SLC35F1: variants seen among roughly 807,000 people sequenced by gnomAD.
SLC35F1 encodes chromosome 6 open reading frame 169.
A neutral mutation model predicts 48.7 loss-of-function variants in SLC35F1; 14 were observed. The ratio of observed to expected loss-of-function variants is 0.29; its 90% confidence interval spans 0.19 to 0.45. The LOEUF is 0.45. SLC35F1 is among the 20% of genes least tolerant of loss of function. The pLI is 1.00. For synonymous variants in SLC35F1, 190 were observed against 202.2 expected, an observed-to-expected ratio of 0.94 and a Z score of 0.51; for missense variants, 404 against 500.0, an observed-to-expected ratio of 0.81 and a Z score of 1.83.
At chr6:118,203,265 T>C (rs1227475177) in intron 2 of SLC35F1, among the ~76,000 whole-genome samples, 1 of 152,242 alleles carries the variant, frequency 6.6e-6, no homozygotes, top group African/African-American at 2.4e-5. Context: ...GGACAGTAGT[T>C]ATCTTGAGTG....
chr6:118,064,466 A>G (rs985345834), intron 1 of SLC35F1, among the ~76,000 whole-genome samples: 2 of 152,194 alleles, frequency 1.3e-5, no homozygotes, highest in African/African-American at 4.8e-5. Flanking sequence ...ACTTTGCAGT[A>G]TCCCTTAGAA....
intron 1 of SLC35F1, among the ~76,000 whole-genome samples, chr6:118,142,839 C>G (rs1463238663): frequency 6.6e-6 from 1 of 152,034 alleles, no homozygotes; most frequent in Admixed American, 6.6e-5. Context: ...TCTTTTGATG[C>G]AAAGAATGAT....
intron 1 of SLC35F1, among the ~76,000 whole-genome samples, chr6:118,058,047 C>T (rs562524082): frequency 2.6e-5 from 4 of 152,070 alleles, no homozygotes; most frequent in South Asian, 2.1e-4. Context: ...GGTTGGTACA[C>T]GGAAAATTAT....
chr6:117,958,959 C>T (rs555615493), intron 1 of SLC35F1, among the ~76,000 whole-genome samples: 12 of 152,160 alleles, frequency 7.9e-5, no homozygotes, highest in African/African-American at 1.9e-4. Context: ...TTGTTGTTAC[C>T]GTAACTGTGG....
chr6:118,190,492 A>C (rs1037424517), intron 2 of SLC35F1, among the ~76,000 whole-genome samples: 2 of 151,888 alleles, frequency 1.3e-5, no homozygotes, highest in Non-Finnish European at 2.9e-5. Context: ...TGAGAGTATG[A>C]TTTAAAAAAA....
chr6:118,289,016 C>T lies in SLC35F1; in HGVS notation c.1002+3678C>T, dbSNP rs142877304. Among the ~76,000 whole-genome samples, 1,244 of 152,254 alleles carry T rather than the reference C, an allele frequency of 8.2e-3. 11 individuals carry two copies. Among genetic ancestry groups the T allele is most frequent in the Middle Eastern group, 0.048 (14 of 294 alleles). On this transcript the variant is annotated intron_variant, in intron 7 of 7. Coordinates refer to ENST00000360388, the MANE Select transcript of SLC35F1 (RefSeq NM_001029858.4). ...AACCACACCTACTTCCCTCACCCAC[C>T]CCCAGCTCCTCAAAATCACTAATTT...
At chr6:118,018,260 A>G (rs1303919146) in intron 1 of SLC35F1, among the ~76,000 whole-genome samples, 2 of 151,990 alleles carry the variant, frequency 1.3e-5, no homozygotes, top group African/African-American at 2.4e-5. Flanking sequence ...AATCCCAGCT[A>G]CTCGGGAGGT....
chr6:117,989,443 C>T (rs1381666602), intron 1 of SLC35F1, among the ~76,000 whole-genome samples: 1 of 152,108 alleles, frequency 6.6e-6, no homozygotes, highest in African/African-American at 2.4e-5. Flanking sequence ...GAGAAAAGAC[C>T]TCCTACTCAA....
chr6:118,010,922 C>T (rs911623386), intron 1 of SLC35F1, among the ~76,000 whole-genome samples: 3 of 152,148 alleles, frequency 2.0e-5, no homozygotes, highest in Non-Finnish European at 4.4e-5. Flanking sequence ...TAGACAAGTG[C>T]TTCTCAATTG....
At chr6:117,940,723 C>G (rs963979170) in intron 1 of SLC35F1, among the ~76,000 whole-genome samples, 31 of 152,020 alleles carry the variant, frequency 2.0e-4, no homozygotes, top group African/African-American at 7.2e-4. Flanking sequence ...ATCACAGCTC[C>G]CTGCAGCCTC....
At chr6:118,003,715 T>G (rs7768494) in intron 1 of SLC35F1, among the ~76,000 whole-genome samples, 151,471 of 152,346 alleles carry the variant, frequency 0.99, 75,306 homozygotes, top group Middle Eastern at 1. Context: ...TAAAGTTACA[T>G]TTCATACCTA....
intron 1 of SLC35F1, among the ~76,000 whole-genome samples, chr6:118,010,714 T>C (rs575104762): frequency 9.7e-4 from 147 of 152,310 alleles, no homozygotes; most frequent in Admixed American, 1.8e-3. Context: ...TCCCAGAAAC[T>C]CAAAATTCTT....
intron 1 of SLC35F1, among the ~76,000 whole-genome samples, chr6:117,996,363 C>T (rs1415983268): frequency 6.6e-6 from 1 of 152,178 alleles, no homozygotes. Context: ...GTCTACAGCT[C>T]CCAGCCTGAG....
chr6:118,130,158 T>A (rs1773688750), intron 1 of SLC35F1, among the ~76,000 whole-genome samples: 1 of 152,206 alleles, frequency 6.6e-6, no homozygotes, highest in Admixed American at 6.5e-5. Flanking sequence ...TTTCCACAAC[T>A]GTAACATGGA....
chr6:118,085,487 C>CTTTTTTTTTTTT lies in SLC35F1; in HGVS notation c.174-68941_174-68930dup, dbSNP rs59548308. 3.7e-4 allele frequency among the ~76,000 whole-genome samples: 21 copies of CTTTTTTTTTTTT among 56,958 alleles called. 4 individuals carry two copies. The highest frequency in any genetic ancestry group is 1.1e-3 in the East Asian group (2 of 1,774). 37.4% of individuals were successfully genotyped at this position (56,958 alleles called of 152,430 possible). A position where few individuals can be genotyped will look rare whatever the true frequency, so the allele number is the denominator to read the frequency against. Reference sequence around the variant, plus strand: ...TTTTCTCTTTTTTTTTCTTTCTTTCCTTTTTTTTTTTTTTTTTTTTTTTTT... The same window carrying CTTTTTTTTTTTT: ...TTTTCTCTTTTTTTTTCTTTCTTTCCTTTTTTTTTTTTTTTTTTTTTTTTTTTTTTTTTTTTT... On this transcript the variant is annotated intron_variant, in intron 1 of 7. Coordinates refer to ENST00000360388, the MANE Select transcript of SLC35F1 (RefSeq NM_001029858.4).
chr6:118,232,667 A>C (rs995614763), intron 2 of SLC35F1, among the ~76,000 whole-genome samples: 9 of 151,770 alleles, frequency 5.9e-5, no homozygotes, highest in African/African-American at 1.9e-4. Flanking sequence ...CTGAGACTTC[A>C]TTTGGAGACA....
At chr6:118,070,932 C>CTGTGTA (rs1341347640) in intron 1 of SLC35F1, among the ~76,000 whole-genome samples, 3 of 33,086 alleles carry the variant, frequency 9.1e-5, no homozygotes, top group Admixed American at 3.8e-4. Flanking sequence ...AATATATATA[C>CTGTGTA]TATATATACA....
rs146752610 is a variant in SLC35F1, at chr6:118,117,787, A to G, written c.174-36658A>G. On this transcript the variant is annotated intron_variant, in intron 1 of 7. Transcript: ENST00000360388. ...TAGCCCTAGATCTGCATCTGTCACT[A>G]TAGTTTGACCTTTTCTAGAATGTTA... Among the ~76,000 whole-genome samples the G allele has an allele frequency of 1.5e-3, 225 of 152,234 alleles. 2 individuals carry two copies. The highest frequency in any genetic ancestry group is 5.2e-3 in the African/African-American group (216 of 41,540).
chr6:118,095,371 T>C (rs923085845), intron 1 of SLC35F1, among the ~76,000 whole-genome samples: 15 of 152,224 alleles, frequency 9.9e-5, no homozygotes, highest in African/African-American at 3.6e-4. Context: ...AGGCACATCA[T>C]TCCATTTTCA....
Sources: gnomAD v4.1 joint callset for allele counts (sites outside exome capture counted in the v4.1 genomes callset) on GRCh38, gnomAD v4.1.1 for gene constraint, MANE v1.5 for transcripts, NCBI Gene and HGNC (gene_info 2026-07-23, HGNC 2026-07-21) for gene names.